The following ZFHX2 variants were observed in gnomAD, a reference collection of about 807,000 sequenced individuals.
The protein encoded by ZFHX2 is zinc finger homeobox 2.
A neutral mutation model predicts 164.8 loss-of-function variants in ZFHX2; 75 were observed. The observed-to-expected ratio is 0.46, with a 90% CI of 0.38 to 0.55. The LOEUF (loss-of-function observed/expected upper bound fraction) is 0.55. Among genes scored for constraint, ZFHX2 ranks in the 20% least tolerant of loss-of-function variants. The pLI is 0.00. For synonymous variants in ZFHX2, 1,217 were observed against 1,351.4 expected (o/e 0.90, Z 2.18); for missense variants, 2,933 against 3,308.0 (o/e 0.89, Z 2.78).
chr14:23,528,648 C>G, intron 6 of ZFHX2: 2 of 985,428 alleles, frequency 2.0e-6, no homozygotes, highest in Non-Finnish European at 2.4e-6. Context: ...CAGAAGCCAG[C>G]TCATCCTCCC....
At chr14:23,536,740 A>T (rs1210577068) in intron 1 of ZFHX2, among the ~76,000 whole-genome samples, 1 of 152,208 alleles carries the variant, frequency 6.6e-6, no homozygotes, top group African/African-American at 2.4e-5. Flanking sequence ...AAATGGACTG[A>T]TGAGGCACTG....
chr14:23,547,956 C>T (rs1256709378), intron 1 of ZFHX2, among the ~76,000 whole-genome samples: 1 of 152,094 alleles, frequency 6.6e-6, no homozygotes, highest in Non-Finnish European at 1.5e-5. Flanking sequence ...GGACTCTGTC[C>T]CATTTCCCCC....
rs1226170566 is a variant in ZFHX2 at position 23,526,088 on chromosome 14, A to G, written c.3854T>C (p.Ile1285Thr). 5.9e-6 allele frequency: 9 copies of G among 1,536,334 alleles called. No homozygotes were observed. The highest frequency in any genetic ancestry group is 3.6e-5 in the South Asian group (3 of 84,044). The change falls in exon 9 of 10, where the codon ATT becomes ACT. Residue 1285 changes from isoleucine (I) to threonine (T), a missense_variant. By Grantham distance (89) the Ile-to-Thr change is moderately conservative (BLOSUM62 -1). Coordinates refer to ENST00000419474, the MANE Select transcript of ZFHX2 (RefSeq NM_033400.3). ...RSRGTKTDSK[I>T]EGPERSQEEP... The stretch of plus-strand genomic sequence containing the variant: ...TTCTTGGCTGCGTTCTGGCCCTTCA[A>G]TCTTGGAATCAGTCTTGGTTCCCCG...
At position 23,533,897 on chromosome 14, in the gene ZFHX2, G is replaced by A; in HGVS notation, c.1429C>T (p.Pro477Ser). The change falls in exon 2 of 10, where the codon CCT becomes TCT. Residue 477 changes from proline to serine, a missense_variant. Physicochemically the swap from Pro to Ser is moderately conservative, Grantham distance 74. Transcript: ENST00000419474. The surrounding 1 kb of genome is among the most constrained non-coding windows in gnomAD (Gnocchi z 4.8). ...TLDVHMREKH[P>S]ESNSHCSYCS... ...TAGCTGCAGTGACTGTTGCTCTCAG[G>A]GTGCTTCTCTCGCATGTGCACATCC... 1 of 1,538,056 alleles carries A rather than the reference G, an allele frequency of 6.5e-7. No individual in the cohort carries two copies. Among genetic ancestry groups the A allele is most frequent in the South Asian group, 1.2e-5 (1 of 84,108 alleles).
chr14:23,524,729 G>A lies in ZFHX2; in HGVS notation c.5213C>T (p.Pro1738Leu). 6.5e-7 allele frequency: 1 copy of A among 1,536,370 alleles called. No individual in the cohort carries two copies. Among genetic ancestry groups the A allele is most frequent in the African/African-American group, 1.4e-5 (1 of 73,140 alleles). Residue 1738 changes from proline to leucine, a missense_variant, in exon 9 of 10, where the codon CCT becomes CTT. Coordinates refer to ENST00000419474, the MANE Select transcript of ZFHX2 (RefSeq NM_033400.3). The surrounding 1 kb of genome is among the most constrained non-coding windows in gnomAD (Gnocchi z 5.6). The stretch of plus-strand genomic sequence containing the variant: ...TTGGCTCAGCTCCTCCCCATCTGGA[G>A]GCTCTGGTAATGGGCCCTCAGGCCC... ...PAGPEGPLPEPPDGEELSQAE... is the reference protein window; with the variant it reads ...PAGPEGPLPELPDGEELSQAE...
At position 23,533,593 on chromosome 14, in the gene ZFHX2, G is replaced by A. The variant is rs1274160461; in HGVS notation, c.1733C>T (p.Thr578Ile). The change falls in exon 2 of 10, where the codon ACA becomes ATA. Residue 578 changes from threonine (T) to isoleucine (I), a missense_variant. Thr to Ile is a moderately conservative substitution (Grantham distance 89). Transcript: ENST00000419474. This position sits in a 1 kb window ranked among gnomAD's most constrained non-coding sequence, Gnocchi z 4.8. ...GATGCGCAGGTTACGGGAGATGTTT[G>A]TCTCGTAGCTGCACACCTTGCACTG... ...SWQCKVCSYE[T>I]NISRNLRIHM... 5 of 1,536,592 alleles carry A rather than the reference G, an allele frequency of 3.3e-6. No homozygotes were observed. The African/African-American group carries it at 4.1e-5, about 13-fold the overall frequency.
At position 23,523,051 on chromosome 14, in the gene ZFHX2, T is replaced by C. The variant is rs1471033441; in HGVS notation, c.6740-110A>G. On this transcript the variant is annotated intron_variant, in intron 9 of 9. Transcript: ENST00000419474. The surrounding 1 kb of genome is among the most constrained non-coding windows in gnomAD (Gnocchi z 4.1). Reference sequence around the variant, plus strand: ...ACCCGTTCCCAGCACCGGATTTCCATGCCCCTTCCCTCCCTTCTTTCCCCC... The same window carrying C: ...ACCCGTTCCCAGCACCGGATTTCCACGCCCCTTCCCTCCCTTCTTTCCCCC... 4 of 1,406,782 alleles carry C rather than the reference T, an allele frequency of 2.8e-6. No individual in the cohort carries two copies. In the East Asian group the frequency reaches 7.8e-5, roughly 27 times the overall value. The allele number at this position is 1,406,782 out of a possible 1,614,324, so 87.1% of individuals were successfully genotyped here.
Position 23,525,632 on chromosome 14 carries a change from C to T in ZFHX2, c.4310G>A (p.Arg1437His), listed in dbSNP as rs1240515880. 1.6e-5 allele frequency: 25 copies of T among 1,535,670 alleles called. No homozygotes were observed. Among genetic ancestry groups the T allele is most frequent in the African/African-American group, 6.9e-5 (5 of 72,988 alleles). ...PPDPLPNEAARTAAKALLENF... is the reference protein window; with the variant it reads ...PPDPLPNEAAHTAAKALLENF... ...TTCTAGAAGGGCTTTGGCTGCAGTG[C>T]GGGCAGCCTCGTTGGGCAATGGGTC... The change falls in exon 9 of 10, where the codon CGC (arginine) becomes CAC (histidine). Residue 1437 changes from arginine (R) to histidine (H), a missense_variant. Coordinates refer to ENST00000419474, the MANE Select transcript of ZFHX2 (RefSeq NM_033400.3). This position sits in a 1 kb window ranked among gnomAD's most constrained non-coding sequence, Gnocchi z 5.9.
rs1419836644 is a variant in ZFHX2 at position 23,533,047 on chromosome 14, T to G, written c.2079A>C (p.Pro693=). 6.5e-7 allele frequency: 1 copy of G among 1,534,016 alleles called. No individual in the cohort carries two copies. The highest frequency in any genetic ancestry group is 2.0e-5 in the Admixed American group (1 of 50,942). ...GSLSPDAHLP[P]SQLLGSSSDS... Reference sequence around the variant, plus strand: ...CAGATGAGGAACCCAGGAGCTGACTTGGAGGCAGGTGGGCATCAGGGGATA... The same window carrying G: ...CAGATGAGGAACCCAGGAGCTGACTGGGAGGCAGGTGGGCATCAGGGGATA... Residue 693 remains proline, a synonymous_variant, in exon 3 of 10, where the codon CCA becomes CCC. Coordinates refer to ENST00000419474, the MANE Select transcript of ZFHX2 (RefSeq NM_033400.3). This position sits in a 1 kb window ranked among gnomAD's most constrained non-coding sequence, Gnocchi z 4.8.
intron 1 of ZFHX2, among the ~76,000 whole-genome samples, chr14:23,549,053 C>T (rs1356710873): frequency 1.3e-5 from 2 of 152,098 alleles, no homozygotes; most frequent in South Asian, 2.1e-4. Flanking sequence ...TCTTGTTCAG[C>T]AATTCCTCCC....
rs1305323474 is a variant in ZFHX2, at chr14:23,534,091, G to A, written c.1235C>T (p.Pro412Leu). ...LPAPVGSPED[P>L]SDPPQPYRLA... ...GCGATAGGGCTGGGGTGGGTCACTGGGGTCTTCGGGGGAGCCCACTGGGGC... is the reference window on the plus strand; with the variant it reads ...GCGATAGGGCTGGGGTGGGTCACTGAGGTCTTCGGGGGAGCCCACTGGGGC... The change falls in exon 2 of 10, where the codon CCC becomes CTC. Residue 412 changes from proline to leucine, a missense_variant. Transcript: ENST00000419474. This position sits in a 1 kb window ranked among gnomAD's most constrained non-coding sequence, Gnocchi z 4.5. 1 of 1,500,138 alleles carries A rather than the reference G, an allele frequency of 6.7e-7. No individual in the cohort carries two copies. The highest frequency in any genetic ancestry group is 8.9e-7 in the Non-Finnish European group (1 of 1,127,854). 92.9% of individuals were successfully genotyped at this position (1,500,138 alleles called of 1,614,324 possible). A position where few individuals can be genotyped will look rare whatever the true frequency, so the allele number is the denominator to read the frequency against.
Position 23,525,270 on chromosome 14 carries a change from C to G in ZFHX2, c.4672G>C (p.Glu1558Gln). The G allele has an allele frequency of 9.1e-6, 14 of 1,536,090 alleles. No individual in the cohort carries two copies. The highest frequency in any genetic ancestry group is 1.2e-5 in the Non-Finnish European group (14 of 1,146,894). The change falls in exon 9 of 10, where the codon GAG (glutamate) becomes CAG (glutamine). Residue 1558 changes from glutamate (E) to glutamine (Q), a missense_variant. Glu to Gln is a conservative substitution (Grantham distance 29). Coordinates refer to ENST00000419474, the MANE Select transcript of ZFHX2 (RefSeq NM_033400.3). This position sits in a 1 kb window ranked among gnomAD's most constrained non-coding sequence, Gnocchi z 5.9. Reference sequence around the variant, plus strand: ...TCAGGGGCACGGGTCCCCCCTGCCTCAGGCTCTGGGACCAGGAAGGGTGGG... The same window carrying G: ...TCAGGGGCACGGGTCCCCCCTGCCTGAGGCTCTGGGACCAGGAAGGGTGGG... ...LGPPFLVPEP[E>Q]AGGTRAPEER...
chr14:23,524,704 T>G lies in ZFHX2; in HGVS notation c.5238A>C (p.Gln1746His). 6.5e-7 allele frequency: 1 copy of G among 1,536,260 alleles called. No homozygotes were observed. Among genetic ancestry groups the G allele is most frequent in the Non-Finnish European group, 8.7e-7 (1 of 1,146,916 alleles). ...PEPPDGEELSQAEATKAGGKE... is the reference protein window; with the variant it reads ...PEPPDGEELSHAEATKAGGKE... Reference sequence around the variant, plus strand: ...TGCCTCCTGCCTTTGTTGCCTCTGCTTGGCTCAGCTCCTCCCCATCTGGAG... The same window carrying G: ...TGCCTCCTGCCTTTGTTGCCTCTGCGTGGCTCAGCTCCTCCCCATCTGGAG... Residue 1746 changes from glutamine (Q) to histidine (H), a missense_variant, in exon 9 of 10, where the codon CAA becomes CAC. Coordinates refer to ENST00000419474, the MANE Select transcript of ZFHX2 (RefSeq NM_033400.3). This position sits in a 1 kb window ranked among gnomAD's most constrained non-coding sequence, Gnocchi z 5.6.
rs1878270231 is a variant in ZFHX2 at position 23,523,238 on chromosome 14, T to C, written c.6704A>G (p.Gln2235Arg). 7.0e-7 allele frequency: 1 copy of C among 1,432,822 alleles called. No homozygotes were observed. The highest frequency in any genetic ancestry group is 9.1e-7 in the Non-Finnish European group (1 of 1,097,634). 88.8% of individuals were successfully genotyped at this position (1,432,822 alleles called of 1,614,324 possible). The change falls in exon 9 of 10, where the codon CAG becomes CGG. Residue 2235 changes from glutamine to arginine, a missense_variant. Coordinates refer to ENST00000419474, the MANE Select transcript of ZFHX2 (RefSeq NM_033400.3). The surrounding 1 kb of genome is among the most constrained non-coding windows in gnomAD (Gnocchi z 4.1). ...PVLLSGPALA[Q>R]PPLGNLAPFN... ...AGGAGCTAAGTTGCCCAGCGGGGGCTGAGCCAGAGCTGGGCCAGATAAGAG... is the reference window on the plus strand; with the variant it reads ...AGGAGCTAAGTTGCCCAGCGGGGGCCGAGCCAGAGCTGGGCCAGATAAGAG...
intron 1 of ZFHX2, among the ~76,000 whole-genome samples, chr14:23,547,466 T>C (rs1881508694): frequency 6.6e-6 from 1 of 152,224 alleles, no homozygotes; most frequent in Non-Finnish European, 1.5e-5. Flanking sequence ...CTCTCAACCT[T>C]TTCTGGAAAC....
chr14:23,521,491 G>A lies in ZFHX2; in HGVS notation c.*471C>T, dbSNP rs45568936. 9.8e-4 allele frequency: 151 copies of A among 154,720 alleles called. No homozygotes were observed. Among genetic ancestry groups the A allele is most frequent in the Non-Finnish European group, 1.5e-3 (103 of 69,782 alleles). The allele number at this position is 154,720 out of a possible 1,614,324, so 9.6% of individuals were successfully genotyped here. A position where few individuals can be genotyped will look rare whatever the true frequency, so the allele number is the denominator to read the frequency against. On this transcript the variant is annotated 3_prime_UTR_variant, in exon 10 of 10. Coordinates refer to ENST00000419474, the MANE Select transcript of ZFHX2 (RefSeq NM_033400.3). The stretch of plus-strand genomic sequence containing the variant: ...TTCTTTGCCTTGGGCTTTCTTTTTC[G>A]TTTCTTCTTTTTATCTTCTTTTTCA...
In ZFHX2 at chr14:23,526,513, C is replaced by T. The variant is rs1024478499; in HGVS notation, c.3429G>A (p.Pro1143=). ...CCTCTTCCTCCTCAGCCATGGTGGG[C>T]GGAGGAGCTACGTCTTCAGCTTGGG... ...PDAQAEDVAP[P]PTMAEEEEGT... The change falls in exon 9 of 10, where the codon CCG becomes CCA. Residue 1143 remains proline, a synonymous_variant. Coordinates refer to ENST00000419474, the MANE Select transcript of ZFHX2 (RefSeq NM_033400.3). 94 of 1,535,698 alleles carry T rather than the reference C, an allele frequency of 6.1e-5. No individual in the cohort carries two copies. The highest frequency in any genetic ancestry group is 1.3e-4 in the South Asian group (11 of 84,034).
In ZFHX2 at chr14:23,533,398, G is replaced by T; in HGVS notation, c.1928C>A (p.Pro643His). The T allele has an allele frequency of 6.7e-7, 1 of 1,484,084 alleles. No homozygotes were observed. Among genetic ancestry groups the T allele is most frequent in the Non-Finnish European group, 8.9e-7 (1 of 1,119,356 alleles). The allele number at this position is 1,484,084 out of a possible 1,614,324, so 91.9% of individuals were successfully genotyped here. Residue 643 changes from proline to histidine, a missense_variant, in exon 2 of 10, where the codon CCT becomes CAT. Coordinates refer to ENST00000419474, the MANE Select transcript of ZFHX2 (RefSeq NM_033400.3). The surrounding 1 kb of genome is among the most constrained non-coding windows in gnomAD (Gnocchi z 4.8). ...CCCCGGGCCAGCCAAGGGAGTCTGA[G>T]GCTGCCCTAGGGCCTGGGGCCCAAA... ...QYFGPQALGQPQTPLAGPGLR... is the reference protein window; with the variant it reads ...QYFGPQALGQHQTPLAGPGLR...
In ZFHX2 at chr14:23,534,976, G is replaced by T; in HGVS notation, c.350C>A (p.Thr117Lys). The change falls in exon 2 of 10, where the codon ACA (threonine) becomes AAA (lysine). Residue 117 changes from threonine to lysine, a missense_variant. Physicochemically the swap from Thr to Lys is moderately conservative, Grantham distance 78. Coordinates refer to ENST00000419474, the MANE Select transcript of ZFHX2 (RefSeq NM_033400.3). The surrounding 1 kb of genome is among the most constrained non-coding windows in gnomAD (Gnocchi z 4.5). ...CACTAGGTAGGCCTCACCTCCAGCT[G>T]TGAAGAATAAGTGGTTGCTTAGGTC... is the stretch of plus-strand genomic sequence containing the variant. ...PMDLSNHLFF[T>K]AGGEAYLVAK... The T allele has an allele frequency of 6.5e-7, 1 of 1,536,182 alleles. No homozygotes were observed. Among genetic ancestry groups the T allele is most frequent in the Non-Finnish European group, 8.7e-7 (1 of 1,146,918 alleles).
Sources: gnomAD v4.1 joint callset for allele counts (sites outside exome capture counted in the v4.1 genomes callset) on GRCh38, gnomAD v4.1.1 for gene constraint, Gnocchi (gnomAD v3.1) non-coding constraint, MANE v1.5 for transcripts, NCBI Gene and HGNC (gene_info 2026-07-23, HGNC 2026-07-21) for gene names.